Variants in ATP5F1A observed in about 807,000 individuals in gnomAD.
ATP5F1A encodes ATP synthase F(1) complex subunit alpha, mitochondrial.
A neutral mutation model predicts 57.4 loss-of-function variants in ATP5F1A; 24 were observed. That is an observed-to-expected ratio of 0.42 (90% CI 0.30 to 0.59). The LOEUF (loss-of-function observed/expected upper bound fraction) is 0.59, where lower values mean the gene tolerates loss of function less well. Ranked by LOEUF, ATP5F1A falls within the 20% of genes least tolerant of loss-of-function variation. ATP5F1A has a pLI of 0.19. For missense variants in ATP5F1A, 494 were observed against 707.9 expected (o/e 0.70, Z 3.43); for synonymous variants, 251 against 255.5 (o/e 0.98, Z 0.17).
intron 2 of ATP5F1A, chr18:46,093,086 T>C (rs919801454): frequency 2.0e-5 from 3 of 151,370 alleles, no homozygotes; most frequent in African/African-American, 4.9e-5. Context: ...GAGAAGGAGG[T>C]TGCAGTGAGC....
upstream of ATP5F1A, among the ~76,000 whole-genome samples, chr18:46,100,564 C>T (rs1341036364): frequency 2.0e-5 from 3 of 151,652 alleles, no homozygotes; most frequent in Admixed American, 1.3e-4. Context: ...GAGCTGTGAT[C>T]ACACCGGAAC....
chr18:46,088,849 A>G (rs1318888697), intron 5 of ATP5F1A, among the ~76,000 whole-genome samples: 2 of 152,022 alleles, frequency 1.3e-5, no homozygotes, highest in Admixed American at 1.3e-4. Flanking sequence ...TGTAAAACCC[A>G]ATCGTACATT....
chr18:46,092,029 G>C, intron 2 of ATP5F1A, 178 bp from the exon 3 acceptor site: 1 of 430,568 alleles, frequency 2.3e-6, no homozygotes, highest in Non-Finnish European at 4.0e-6. Flanking sequence ...AAATTAGCTG[G>C]GCATGGTGGC....
chr18:46,089,261 G>A (rs766568267), intron 5 of ATP5F1A, among the ~76,000 whole-genome samples: 1 of 152,228 alleles, frequency 6.6e-6, no homozygotes, highest in African/African-American at 2.4e-5. Context: ...CCCACCTGAC[G>A]AGAAATACTC....
In ATP5F1A at chr18:46,088,237, T is replaced by C; in HGVS notation, c.671A>G (p.Asp224Gly). 1 of 1,584,068 alleles carries C rather than the reference T, an allele frequency of 6.3e-7. No individual in the cohort carries two copies. Among genetic ancestry groups the C allele is most frequent in the Non-Finnish European group, 8.5e-7 (1 of 1,172,822 alleles). ...GAAACGTTTCTGGTTAATGATTGTG[T>C]CAATAGCAATTGAGGTTTTCCTTTA... Reference protein sequence around the residue: ...RQTGKTSIAIDTIINQKRFND... With the variant: ...RQTGKTSIAIGTIINQKRFND... The change falls in exon 6 of 12, where the codon GAC becomes GGC. Residue 224 changes from aspartate to glycine, a missense_variant. Around this residue, in one of 6 missense-constraint regions of ATP5F1A, gnomAD observed 191 missense variants for 267.7 expected, o/e 0.71. Transcript: ENST00000398752.
upstream of ATP5F1A, among the ~76,000 whole-genome samples, chr18:46,101,564 C>T (rs1176262064): frequency 7.9e-5 from 12 of 151,214 alleles, no homozygotes; most frequent in East Asian, 2.0e-4. Context: ...TCAGTATGCG[C>T]GACAGGAGTG....
In ATP5F1A at chr18:46,081,435, C is replaced by A. The variant is rs2144157367; in HGVS notation, c.*2847G>T. ...CCTGTAATCCCAGTACTTTGGGAGG[C>A]CGGTGGACCACCTAAGGTCAGGAGT... On this transcript the variant is annotated 3_prime_UTR_variant, in exon 12 of 12. Transcript: ENST00000398752. The A allele has an allele frequency of 6.6e-6, 1 of 151,878 alleles. No individual in the cohort carries two copies. Among genetic ancestry groups the A allele is most frequent in the East Asian group, 1.9e-4 (1 of 5,160 alleles). 9.4% of individuals were successfully genotyped at this position (151,878 alleles called of 1,614,324 possible). A position where few individuals can be genotyped will look rare whatever the true frequency, so the allele number is the denominator to read the frequency against.
Position 46,087,013 on chromosome 18 carries a change from C to T in ATP5F1A, c.1171G>A (p.Gly391Arg), listed in dbSNP as rs2144177979. The change falls in exon 8 of 12, where the codon GGA becomes AGA. Residue 391 changes from glycine to arginine, a missense_variant. Physicochemically the swap from Gly to Arg is moderately radical, Grantham distance 125. Coordinates refer to ENST00000398752, the MANE Select transcript of ATP5F1A (RefSeq NM_004046.6). The part of the protein sequence containing the change: ...IPTNVISITD[G>R]QIFLETELFY... Reference sequence around the variant, plus strand: ...TTTAATCATTAAAATAATACCTGTCCGTCAGTGATGGAAATGACATTTGTT... The same window carrying T: ...TTTAATCATTAAAATAATACCTGTCTGTCAGTGATGGAAATGACATTTGTT... The T allele has an allele frequency of 2.5e-6, 4 of 1,613,682 alleles. No individual in the cohort carries two copies. The highest frequency in any genetic ancestry group is 3.4e-6 in the Non-Finnish European group (4 of 1,179,652).
intron 1 of ATP5F1A, among the ~76,000 whole-genome samples, chr18:46,096,016 G>C (rs1910922090): frequency 6.6e-6 from 1 of 151,908 alleles, no homozygotes; most frequent in South Asian, 2.1e-4. Flanking sequence ...GGCCTCCTGA[G>C]TAGCTGGGAC....
At chr18:46,092,373 C>G (rs1410435222) in intron 2 of ATP5F1A, among the ~76,000 whole-genome samples, 1 of 151,426 alleles carries the variant, frequency 6.6e-6, no homozygotes, top group African/African-American at 2.4e-5. Flanking sequence ...CTTTAGGAGG[C>G]TGAGGCAGGC....
intron 1 of ATP5F1A, 195 bp downstream of exon 1, chr18:46,097,977 C>G: frequency 7.1e-7 from 1 of 1,408,956 alleles, no homozygotes; most frequent in East Asian, 2.6e-5. Context: ...CTGCCCTGTA[C>G]CATTCTGCCT....
upstream of ATP5F1A, chr18:46,098,314 G>A: frequency 6.7e-7 from 1 of 1,488,630 alleles, no homozygotes. Context: ...CGCAAAGAAG[G>A]TCAAGACAGC....
Position 46,087,111 on chromosome 18 carries a change from G to A in ATP5F1A, c.1073C>T (p.Ala358Val), listed in dbSNP as rs752499261. ...AGCAGTCAAGGAGCCACCACCAAAA[G>A]CATCGTTCATTTTGGCTGCTCTCTC... is the stretch of plus-strand genomic sequence containing the variant. The part of the protein sequence containing the change: ...LLERAAKMND[A>V]FGGGSLTALP... The change falls in exon 8 of 12, where the codon GCT (alanine) becomes GTT (valine). Residue 358 changes from alanine to valine, a missense_variant. Around this residue, in one of 6 missense-constraint regions of ATP5F1A, gnomAD observed 15 missense variants for 16.3 expected, o/e 0.92. Coordinates refer to ENST00000398752, the MANE Select transcript of ATP5F1A (RefSeq NM_004046.6). The A allele has an allele frequency of 6.2e-7, 1 of 1,614,080 alleles. No homozygotes were observed. Among genetic ancestry groups the A allele is most frequent in the Non-Finnish European group, 8.5e-7 (1 of 1,179,962 alleles).
intron 8 of ATP5F1A, 179 bp downstream of exon 8, chr18:46,086,829 G>T: frequency 1.5e-6 from 1 of 676,434 alleles, no homozygotes; most frequent in Non-Finnish European, 2.5e-6. Flanking sequence ...GCAATAACTG[G>T]GTGACAGATA....
At chr18:46,087,648 A>T in intron 6 of ATP5F1A, 156 bp from the exon 7 acceptor site, 1 of 823,400 alleles carries the variant, frequency 1.2e-6, no homozygotes, top group Non-Finnish European at 1.9e-6. Context: ...GGGAGGCCCT[A>T]GGCGGGTGAT....
Position 46,095,113 on chromosome 18 carries a change from C to A in ATP5F1A, c.79G>T (p.Gly27Cys). Residue 27 changes from glycine (G) to cysteine (C), a missense_variant, in exon 2 of 12, where the codon GGT (glycine) becomes TGT (cysteine). Coordinates refer to ENST00000398752, the MANE Select transcript of ATP5F1A (RefSeq NM_004046.6). ...TTCCTTGCAGCAATGAAAGATGAAC[C>A]CAAAGCATTTCTGGAGACCTAGTGC... is the stretch of plus-strand genomic sequence containing the variant. ...RAGLVSRNALGSSFIAARNFH... is the reference protein window; with the variant it reads ...RAGLVSRNALCSSFIAARNFH... 6.2e-7 allele frequency: 1 copy of A among 1,613,170 alleles called. No homozygotes were observed. Among genetic ancestry groups the A allele is most frequent in the East Asian group, 2.2e-5 (1 of 44,840 alleles).
chr18:46,093,695 G>T (rs1248899809), intron 2 of ATP5F1A, among the ~76,000 whole-genome samples: 1 of 152,036 alleles, frequency 6.6e-6, no homozygotes, highest in Non-Finnish European at 1.5e-5. Context: ...GTGGTGGTGC[G>T]TGCCTGTAAT....
intron 2 of ATP5F1A, chr18:46,092,293 C>A (rs555153943): frequency 1.1e-4 from 17 of 151,062 alleles, no homozygotes; most frequent in African/African-American, 3.9e-4. Context: ...GTTTTGTGAT[C>A]ATAATAATCC....
rs9955329 is a variant in ATP5F1A at position 46,096,329 on chromosome 18, C to T, written c.61-1198G>A. On this transcript the variant is annotated intron_variant, in intron 1 of 11. Transcript: ENST00000398752. ...CAGCCTGACCAACATGGAGAAACCC[C>T]GTCTCTACTAGAAATACAAAATTAG... 1.6e-3 allele frequency among the ~76,000 whole-genome samples: 238 copies of T among 151,690 alleles called. 1 individual carries two copies. Among genetic ancestry groups the T allele is most frequent in the African/African-American group, 5.4e-3 (225 of 41,398 alleles).
Sources: allele counts gnomAD v4.1 joint callset (sites outside exome capture counted in the v4.1 genomes callset), GRCh38; gene constraint gnomAD v4.1.1; regional missense constraint gnomAD v4.1.1; transcripts MANE v1.5; gene names NCBI Gene and HGNC (gene_info 2026-07-23, HGNC 2026-07-21).